Variants in PIGN observed in about 807,000 individuals in gnomAD.
PIGN encodes the protein GPI ethanolamine phosphate transferase 1.
Under a neutral mutation model 125.4 loss-of-function variants are expected in PIGN, and 117 were observed. The ratio of observed to expected loss-of-function variants is 0.93; its 90% CI spans 0.80 to 1.09. The LOEUF (loss-of-function observed/expected upper bound fraction) is 1.09. Ranked by LOEUF, PIGN falls within the 50% of genes least tolerant of loss-of-function variation. PIGN has a pLI of 0.00. For missense variants in PIGN, 1,075 were observed against 1,094.9 expected, an observed-to-expected ratio of 0.98 and a Z score of 0.26; for synonymous variants, 392 against 377.8, an observed-to-expected ratio of 1.04 and a Z score of -0.44.
At chr18:62,151,095 T>G (rs1027233038) in intron 7 of PIGN, among the ~76,000 whole-genome samples, 13 of 152,208 alleles carry the variant, frequency 8.5e-5, no homozygotes, top group African/African-American at 2.9e-4. Flanking sequence ...TTAACACTAC[T>G]AAATTACAGA....
chr18:62,034,397 C>T (rs557347968), intron 23 of PIGN, among the ~76,000 whole-genome samples: 1 of 152,248 alleles, frequency 6.6e-6, no homozygotes, highest in South Asian at 2.1e-4. Flanking sequence ...CTGTAAGAGG[C>T]CACTGTCCTC....
At chr18:62,132,913 A>C (rs908325537) in intron 14 of PIGN, among the ~76,000 whole-genome samples, 8 of 152,190 alleles carry the variant, frequency 5.3e-5, no homozygotes, top group Non-Finnish European at 8.8e-5. Context: ...GATTTGAAAC[A>C]CTACCTTCAG....
intron 30 of PIGN, among the ~76,000 whole-genome samples, chr18:62,063,515 A>G: frequency 6.6e-6 from 1 of 151,228 alleles, no homozygotes; most frequent in East Asian, 2.0e-4. Context: ...CTGAAATCCA[A>G]ATTATTTATC....
chr18:62,081,755 A>G (rs2033459975), intron 28 of PIGN, among the ~76,000 whole-genome samples: 1 of 152,158 alleles, frequency 6.6e-6, no homozygotes, highest in Non-Finnish European at 1.5e-5. Flanking sequence ...AATATCTCTT[A>G]TGTGATATTG....
At chr18:62,146,872 C>A in intron 9 of PIGN, 99 bp downstream of exon 9, 1 of 1,218,948 alleles carries the variant, frequency 8.2e-7, no homozygotes, top group Non-Finnish European at 1.2e-6. Flanking sequence ...ATTTTGTATA[C>A]AGCAAGACAT....
At chr18:62,022,888 A>G (rs1246689469) in intron 23 of PIGN, among the ~76,000 whole-genome samples, 1 of 152,226 alleles carries the variant, frequency 6.6e-6, no homozygotes, top group Non-Finnish European at 1.5e-5. Context: ...ATATAAAATG[A>G]CATAGTCTTT....
intron 30 of PIGN, among the ~76,000 whole-genome samples, chr18:62,065,467 G>T (rs544874437): frequency 6.6e-6 from 1 of 152,282 alleles, no homozygotes; most frequent in Non-Finnish European, 1.5e-5. Flanking sequence ...GGCGGGGCGT[G>T]GTGGCTCACG....
intron 6 of PIGN, among the ~76,000 whole-genome samples, chr18:62,155,504 G>A (rs2036696252): frequency 6.6e-6 from 1 of 152,166 alleles, no homozygotes; most frequent in Non-Finnish European, 1.5e-5. Context: ...AGGAGGCAGA[G>A]GTGGCAGTGA....
At chr18:62,144,530 C>T (rs1599623446) in intron 10 of PIGN, among the ~76,000 whole-genome samples, 1 of 152,208 alleles carries the variant, frequency 6.6e-6, no homozygotes, top group Non-Finnish European at 1.5e-5. Context: ...ACAAGCTACG[C>T]TCTTTCTATT....
intron 28 of PIGN, among the ~76,000 whole-genome samples, chr18:62,078,094 G>C (rs183235526): frequency 6.6e-6 from 1 of 152,130 alleles, no homozygotes; most frequent in Non-Finnish European, 1.5e-5. Flanking sequence ...TGAGGTACTT[G>C]GGGGTCAGGA....
intron 30 of PIGN, chr18:62,069,703 G>T (rs1384944161): frequency 6.6e-6 from 1 of 152,138 alleles, no homozygotes; most frequent in Non-Finnish European, 1.5e-5. Flanking sequence ...GGGAGAATGG[G>T]GTGTGACTGA....
intron 1 of PIGN, among the ~76,000 whole-genome samples, chr18:62,170,520 ATG>A (rs760613813): frequency 6.6e-6 from 1 of 152,202 alleles, no homozygotes; most frequent in African/African-American, 2.4e-5. Flanking sequence ...AACTTAATAA[ATG>A]TGTGTGTTCT....
chr18:62,055,159 T>C (rs2031625901), intron 30 of PIGN, among the ~76,000 whole-genome samples: 1 of 152,220 alleles, frequency 6.6e-6, no homozygotes, highest in Admixed American at 6.5e-5. Context: ...GCAAATATGA[T>C]TCTGAGCATG....
At chr18:62,149,948 A>C (rs1191880176) in intron 7 of PIGN, among the ~76,000 whole-genome samples, 1 of 152,182 alleles carries the variant, frequency 6.6e-6, no homozygotes, top group African/African-American at 2.4e-5. Context: ...CTAAGTTAAT[A>C]TACTTATTCA....
rs34186710 is a variant in PIGN at position 62,042,923 on chromosome 18, G to GAAAAAAAAA, written c.*2924_*2932dup. On this transcript the variant is annotated 3_prime_UTR_variant, in exon 31 of 31. Coordinates refer to ENST00000640252, the MANE Select transcript of PIGN (RefSeq NM_176787.5). ...TGAGACCCTGTCTCAAAACAAAAAC[G>GAAAAAAAAA]AAAAAAAAAAAAACAAAAAACCATG... 7.3e-6 allele frequency: 1 copy of GAAAAAAAAA among 137,170 alleles called. No individual in the cohort carries two copies. The allele number at this position is 137,170 out of a possible 1,614,324, so 8.5% of individuals were successfully genotyped here.
At chr18:62,175,031 GAT>G (rs1436516665) in intron 1 of PIGN, among the ~76,000 whole-genome samples, 26 of 143,546 alleles carry the variant, frequency 1.8e-4, no homozygotes, top group Admixed American at 3.6e-4. Context: ...ATATATATTA[GAT>G]ATATATTATA....
At chr18:62,054,903 G>A (rs940321185) in intron 30 of PIGN, among the ~76,000 whole-genome samples, 5 of 152,026 alleles carry the variant, frequency 3.3e-5, no homozygotes, top group Admixed American at 6.5e-5. Flanking sequence ...ATGAACAGAC[G>A]TTTCATCAAA....
chr18:62,068,722 C>G (rs901689308), intron 30 of PIGN, among the ~76,000 whole-genome samples: 2 of 152,290 alleles, frequency 1.3e-5, no homozygotes, highest in Middle Eastern at 3.4e-3. Flanking sequence ...CAATACTGCT[C>G]TCTCTAGATT....
chr18:62,071,847 G>A (rs1372099085), intron 30 of PIGN, among the ~76,000 whole-genome samples: 1 of 125,272 alleles, frequency 8.0e-6, no homozygotes, highest in Non-Finnish European at 1.6e-5. Flanking sequence ...TCGTTTTTTA[G>A]ACTGTACTCC....
Sources: allele counts gnomAD v4.1 joint callset (sites outside exome capture counted in the v4.1 genomes callset), GRCh38; gene constraint gnomAD v4.1.1; transcripts MANE v1.5; gene names NCBI Gene and HGNC (gene_info 2026-07-23, HGNC 2026-07-21).